The following MIS12 variants were observed in gnomAD, a reference collection of about 807,000 sequenced individuals.
MIS12 encodes the protein MIS12 kinetochore complex component.
In MIS12, 13 loss-of-function variants were observed where a neutral mutation model predicts 16.5. The ratio of observed to expected loss-of-function variants is 0.79; its 90% CI spans 0.51 to 1.25. The LOEUF (loss-of-function observed/expected upper bound fraction) is 1.25. Ranked by LOEUF, MIS12 falls within the 50% of genes most tolerant of loss-of-function variation. The pLI, the probability that MIS12 is intolerant of heterozygous loss-of-function variation, is 0.00. For missense variants in MIS12, 199 were observed against 239.5 expected (o/e 0.83, Z 1.12); for synonymous variants, 97 against 87.3 (o/e 1.11, Z -0.62).
In MIS12 at chr17:5,489,627, CTG is replaced by C. The variant is rs1267044313; in HGVS notation, c.*151_*152del. On this transcript the variant is annotated 3_prime_UTR_variant, in exon 3 of 3. Coordinates refer to ENST00000611091, the MANE Select transcript of MIS12 (RefSeq NM_001258217.2). ...TGCTTTGTCAACTCTTTCTTGTATTCTGTGTTTTCCTCTTTTTTGGTCCACTT... is the reference window on the plus strand; with the variant it reads ...TGCTTTGTCAACTCTTTCTTGTATTCTGTTTTCCTCTTTTTTGGTCCACTT... The C allele has an allele frequency of 3.2e-6, 3 of 951,204 alleles. No homozygotes were observed. Among genetic ancestry groups the C allele is most frequent in the East Asian group, 2.7e-5 (1 of 36,616 alleles). The allele number at this position is 951,204 out of a possible 1,614,324, so 58.9% of individuals were successfully genotyped here.
chr17:5,489,700 G>GTTCCTT lies in MIS12; in HGVS notation c.*220_*221insTTCCTT. On this transcript the variant is annotated 3_prime_UTR_variant, in exon 3 of 3. Coordinates refer to ENST00000611091, the MANE Select transcript of MIS12 (RefSeq NM_001258217.2). ...TACTTTGAACTAGGCTGAAGCATCTGAGTCTTCTAATAAGTGGGAAGGGAT... is the reference window on the plus strand; with the variant it reads ...TACTTTGAACTAGGCTGAAGCATCTGTTCCTTAGTCTTCTAATAAGTGGGAAGGGAT... 3 of 451,886 alleles carry GTTCCTT rather than the reference G, an allele frequency of 6.6e-6. No individual in the cohort carries two copies. The highest frequency in any genetic ancestry group is 2.1e-5 in the African/African-American group (1 of 46,624). 28.0% of individuals were successfully genotyped at this position (451,886 alleles called of 1,614,324 possible).
Position 5,488,220 on chromosome 17 carries a change from A to G in MIS12, c.-410A>G, listed in dbSNP as rs981449406. ...GATGGCTTGGCTGGAGGACAAGCAA[A>G]TTGAGGACATTGGCAACGGAGTGAT... On this transcript the variant is annotated 5_prime_UTR_variant, in exon 2 of 3. Coordinates refer to ENST00000611091, the MANE Select transcript of MIS12 (RefSeq NM_001258217.2). 1.3e-5 allele frequency: 2 copies of G among 152,268 alleles called. No individual in the cohort carries two copies. Among genetic ancestry groups the G allele is most frequent in the Non-Finnish European group, 2.9e-5 (2 of 68,054 alleles). The allele number at this position is 152,268 out of a possible 1,614,324, so 9.4% of individuals were successfully genotyped here. A position where few individuals can be genotyped will look rare whatever the true frequency, so the allele number is the denominator to read the frequency against.
Position 5,488,458 on chromosome 17 carries a change from G to C in MIS12, c.-172G>C, listed in dbSNP as rs994615355. On this transcript the variant is annotated 5_prime_UTR_variant, in exon 2 of 3. Transcript: ENST00000611091. ...AGTTACAAATATCAAGAGCCAGGTG[G>C]CTAAAAGGTGGAGCTATAGGTCATT... The C allele has an allele frequency of 6.1e-6, 1 of 164,826 alleles. No homozygotes were observed. Among genetic ancestry groups the C allele is most frequent in the Admixed American group, 5.9e-5 (1 of 16,996 alleles). The allele number at this position is 164,826 out of a possible 1,614,324, so 10.2% of individuals were successfully genotyped here. A position where few individuals can be genotyped will look rare whatever the true frequency, so the allele number is the denominator to read the frequency against.
rs897233951 is a variant in MIS12 at position 5,489,600 on chromosome 17, T to C, written c.*120T>C. 32 of 1,167,420 alleles carry C rather than the reference T, an allele frequency of 2.7e-5. No homozygotes were observed. The highest frequency in any genetic ancestry group is 3.8e-5 in the Non-Finnish European group (32 of 848,192). The allele number at this position is 1,167,420 out of a possible 1,614,324, so 72.3% of individuals were successfully genotyped here. ...CAAACCAACCATACTTTTTATTAGA[T>C]TTGCTTTGTCAACTCTTTCTTGTAT... On this transcript the variant is annotated 3_prime_UTR_variant, in exon 3 of 3. Transcript: ENST00000611091.
Position 5,489,348 on chromosome 17 carries a change from T to C in MIS12, c.486T>C (p.Leu162=). 6.2e-7 allele frequency: 1 copy of C among 1,614,082 alleles called. No individual in the cohort carries two copies. Among genetic ancestry groups the C allele is most frequent in the Non-Finnish European group, 8.5e-7 (1 of 1,180,034 alleles). Residue 162 remains leucine (L), a synonymous_variant, in exon 3 of 3, where the codon CTT becomes CTC. Transcript: ENST00000611091. ...LKQTLTFFDE[L]HNVGRDHGTS... is the part of the protein sequence containing the mutation. ...AGACGTTGACTTTCTTTGATGAGCT[T>C]CATAATGTTGGCAGAGATCATGGGA...
At position 5,490,116 on chromosome 17, in the gene MIS12, A is replaced by G. The variant is rs1876341911; in HGVS notation, c.*636A>G. ...TTAACCAGTCATTACACTGCGGAACAGCCAACATAGAGTACTTGCTCTCGT... is the reference window on the plus strand; with the variant it reads ...TTAACCAGTCATTACACTGCGGAACGGCCAACATAGAGTACTTGCTCTCGT... On this transcript the variant is annotated 3_prime_UTR_variant, in exon 3 of 3. Coordinates refer to ENST00000611091, the MANE Select transcript of MIS12 (RefSeq NM_001258217.2). 6.0e-6 allele frequency: 1 copy of G among 167,102 alleles called. No individual in the cohort carries two copies. The highest frequency in any genetic ancestry group is 6.5e-5 in the Admixed American group (1 of 15,290). 10.4% of individuals were successfully genotyped at this position (167,102 alleles called of 1,614,324 possible).
intron 1 of MIS12, chr17:5,487,597 T>G (rs921741270): frequency 1.3e-5 from 2 of 152,170 alleles, no homozygotes; most frequent in African/African-American, 4.8e-5. Context: ...AGTGGCACAA[T>G]CTCGGCTCAC....
chr17:5,489,201 T>C lies in MIS12; in HGVS notation c.339T>C (p.Asp113=). The C allele has an allele frequency of 6.2e-7, 1 of 1,614,164 alleles. No homozygotes were observed. Among genetic ancestry groups the C allele is most frequent in the Non-Finnish European group, 8.5e-7 (1 of 1,180,034 alleles). ...AGGAGACACCTTATAGTGAGGAAGA[T>C]TTTCAGCATCTCCAGAAAGAAATTG... ...KCKETPYSEE[D]FQHLQKEIEQ... The change falls in exon 3 of 3, where the codon GAT becomes GAC. Residue 113 remains aspartate (D), a synonymous_variant. Transcript: ENST00000611091.
In MIS12 at chr17:5,489,224, T is replaced by C. The variant is rs761134172; in HGVS notation, c.362T>C (p.Ile121Thr). 12 of 1,614,046 alleles carry C rather than the reference T, an allele frequency of 7.4e-6. No homozygotes were observed. The highest frequency in any genetic ancestry group is 1.0e-5 in the Non-Finnish European group (12 of 1,180,042). The change falls in exon 3 of 3, where the codon ATT becomes ACT. Residue 121 changes from isoleucine (I) to threonine (T), a missense_variant. By Grantham distance (89) the Ile-to-Thr change is moderately conservative (BLOSUM62 -1). Transcript: ENST00000611091. ...GATTTTCAGCATCTCCAGAAAGAAA[T>C]TGAACAGTTACAGGAGAAGTACAAG... Reference protein sequence around the residue: ...EEDFQHLQKEIEQLQEKYKTE... With the variant: ...EEDFQHLQKETEQLQEKYKTE...
At position 5,488,310 on chromosome 17, in the gene MIS12, C is replaced by G. The variant is rs1255570045; in HGVS notation, c.-320C>G. ...GAAGAGAAGTGGCAGAGGCTGAGAACAGAAAGAGAGGGTGGAGGGGCTGTA... is the reference window on the plus strand; with the variant it reads ...GAAGAGAAGTGGCAGAGGCTGAGAAGAGAAAGAGAGGGTGGAGGGGCTGTA... On this transcript the variant is annotated 5_prime_UTR_variant, in exon 2 of 3. Transcript: ENST00000611091. The G allele has an allele frequency of 2.0e-5, 3 of 152,406 alleles. No homozygotes were observed. Among genetic ancestry groups the G allele is most frequent in the African/African-American group, 7.3e-5 (3 of 41,350 alleles). 9.4% of individuals were successfully genotyped at this position (152,406 alleles called of 1,614,324 possible).
Position 5,489,111 on chromosome 17 carries a change from G to T in MIS12, c.249G>T (p.Glu83Asp). 1 of 1,614,196 alleles carries T rather than the reference G, an allele frequency of 6.2e-7. No homozygotes were observed. Among genetic ancestry groups the T allele is most frequent in the South Asian group, 1.1e-5 (1 of 91,078 alleles). The change falls in exon 3 of 3, where the codon GAG (glutamate) becomes GAT (aspartate). Residue 83 changes from glutamate (E) to aspartate (D), a missense_variant. Physicochemically the swap from Glu to Asp is conservative, Grantham distance 45. Coordinates refer to ENST00000611091, the MANE Select transcript of MIS12 (RefSeq NM_001258217.2). ...TTGATAACCTTTTTAGCAAAATGGA[G>T]CAACTGTTTTTGCAGCTGATTTTAC... ...GHFDNLFSKM[E>D]QLFLQLILRI...
rs945455266 is a variant in MIS12 at position 5,488,710 on chromosome 17, A to C, written c.-40-113A>C. The stretch of plus-strand genomic sequence containing the variant: ...TGGCATCAGGTATAAAGGAACACAA[A>C]CTCCTTATTTTTTATTGATTTGCTT... On this transcript the variant is annotated intron_variant, in intron 2 of 2. Transcript: ENST00000611091. The C allele has an allele frequency of 5.9e-6, 5 of 841,410 alleles. No individual in the cohort carries two copies. The East Asian group carries it at 1.1e-4, about 18-fold the overall frequency. 52.1% of individuals were successfully genotyped at this position (841,410 alleles called of 1,614,324 possible).
At chr17:5,488,719 T>C (rs970045863) in intron 2 of MIS12, 104 bp from the exon 3 acceptor site, 5 of 915,288 alleles carry the variant, frequency 5.5e-6, no homozygotes, top group Non-Finnish European at 6.4e-6. Context: ...AACTCCTTAT[T>C]TTTTATTGAT....
In MIS12 at chr17:5,489,478, T is replaced by C; in HGVS notation, c.616T>C (p.Ter206GlnextTer13). 6.3e-7 allele frequency: 1 copy of C among 1,581,286 alleles called. No individual in the cohort carries two copies. ...EKESKRLKIS[*>Q] ...GGAATCGAAACGACTGAAAATATCT[T>C]AATTGCTCAGTAGTCAAAAGGAGGA... Residue 206 changes from the stop codon to glutamine (Q), a stop_lost, in exon 3 of 3, where the codon TAA becomes CAA. Coordinates refer to ENST00000611091, the MANE Select transcript of MIS12 (RefSeq NM_001258217.2).
intron 1 of MIS12, 180 bp downstream of exon 1, chr17:5,486,864 C>G (rs1906370621): frequency 6.6e-6 from 1 of 152,568 alleles, no homozygotes; most frequent in Admixed American, 6.5e-5. Flanking sequence ...CGGCCGGAAG[C>G]AGTTCCTGCG....
intron 1 of MIS12, 169 bp downstream of exon 1, chr17:5,486,853 C>G (rs1906369164): frequency 1.3e-5 from 2 of 152,554 alleles, no homozygotes; most frequent in Admixed American, 6.5e-5. Context: ...AAGCCGGGAG[C>G]CGGCCGGAAG....
At position 5,489,547 on chromosome 17, in the gene MIS12, G is replaced by T. The variant is rs1324043667; in HGVS notation, c.*67G>T. The T allele has an allele frequency of 1.3e-6, 2 of 1,485,978 alleles. No homozygotes were observed. Among genetic ancestry groups the T allele is most frequent in the Non-Finnish European group, 1.8e-6 (2 of 1,109,524 alleles). The allele number at this position is 1,485,978 out of a possible 1,614,324, so 92.0% of individuals were successfully genotyped here. On this transcript the variant is annotated 3_prime_UTR_variant, in exon 3 of 3. Coordinates refer to ENST00000611091, the MANE Select transcript of MIS12 (RefSeq NM_001258217.2). ...TCATAAGGACTGTTCAAACCATAAG[G>T]ACTGTTCAAATCATACCAGTGACTG...
In MIS12 at chr17:5,488,592, A is replaced by C; in HGVS notation, c.-41+3A>C. On this transcript the variant is annotated splice_donor_region_variant and intron_variant, in intron 2 of 2. Transcript: ENST00000611091. ...ACTGATCTGTGCCAAAGTCACAGGT[A>C]AGGGAAGTGAACAACGAGGAGGGGA... 5.1e-6 allele frequency: 2 copies of C among 390,390 alleles called. No individual in the cohort carries two copies. The highest frequency in any genetic ancestry group is 9.4e-6 in the Non-Finnish European group (2 of 213,104). The allele number at this position is 390,390 out of a possible 1,614,324, so 24.2% of individuals were successfully genotyped here.
Position 5,490,761 on chromosome 17 carries a change from TATC to T in MIS12, c.*1283_*1285del, listed in dbSNP as rs1757053402. The T allele has an allele frequency of 6.0e-6, 1 of 167,034 alleles. No individual in the cohort carries two copies. The highest frequency in any genetic ancestry group is 1.5e-5 in the Non-Finnish European group (1 of 68,134). 10.3% of individuals were successfully genotyped at this position (167,034 alleles called of 1,614,324 possible). On this transcript the variant is annotated 3_prime_UTR_variant, in exon 3 of 3. Transcript: ENST00000611091. The stretch of plus-strand genomic sequence containing the variant: ...TTGTGTTTACATGAAATATGTTTAT[TATC>T]AAGAAGTCCTTTTTCCAATTCTGTA...
Sources: gnomAD v4.1 joint callset for allele counts on GRCh38, gnomAD v4.1.1 for gene constraint, MANE v1.5 for transcripts, NCBI Gene and HGNC (gene_info 2026-07-23, HGNC 2026-07-21) for gene names.